Variants in FHIT observed in about 807,000 individuals in gnomAD.
FHIT encodes the protein bis(5'-adenosyl)-triphosphatase.
In FHIT, 19 loss-of-function variants were observed where a neutral mutation model predicts 17.9. The ratio of observed to expected loss-of-function variants is 1.06; its 90% CI spans 0.74 to 1.56. FHIT has a LOEUF of 1.56. Among genes scored for constraint, FHIT ranks in the 40% most tolerant of loss-of-function variants. The pLI is 0.00. For missense variants in FHIT, 248 were observed against 189.2 expected (o/e 1.31, Z -1.82); for synonymous variants, 81 against 69.7 (o/e 1.16, Z -0.81).
intron 8 of FHIT, among the ~76,000 whole-genome samples, chr3:59,844,399 TC>T (rs1701640914): frequency 6.6e-6 from 1 of 152,166 alleles, no homozygotes; most frequent in African/African-American, 2.4e-5. Context: ...TTTCAGTCTT[TC>T]GTCACTGAAC....
intron 4 of FHIT, among the ~76,000 whole-genome samples, chr3:60,644,508 C>T (rs1395355939): frequency 2.0e-5 from 3 of 152,174 alleles, no homozygotes; most frequent in African/African-American, 7.2e-5. Context: ...GAGAGCATGT[C>T]TGTTTAGAAA....
chr3:60,445,229 A>G (rs1231940218), intron 5 of FHIT, among the ~76,000 whole-genome samples: 1 of 152,116 alleles, frequency 6.6e-6, no homozygotes, highest in Non-Finnish European at 1.5e-5. Context: ...ATGAATTTGC[A>G]TTTCAAATAA....
At chr3:60,560,775 C>A (rs974960240) in intron 4 of FHIT, among the ~76,000 whole-genome samples, 1 of 149,684 alleles carries the variant, frequency 6.7e-6, no homozygotes, top group Non-Finnish European at 1.5e-5. Context: ...CCAGGCAAGG[C>A]AGTTGCCATT....
chr3:61,187,359 T>A (rs1436584691), intron 2 of FHIT, among the ~76,000 whole-genome samples: 1 of 152,136 alleles, frequency 6.6e-6, no homozygotes, highest in African/African-American at 2.4e-5. Context: ...GGTAAAGGGA[T>A]GAATTCAACA....
chr3:60,256,570 C>T (rs72890151), intron 5 of FHIT, among the ~76,000 whole-genome samples: 3,744 of 152,282 alleles, frequency 0.025, 150 homozygotes, highest in African/African-American at 0.081. Context: ...AGGTAACTTG[C>T]CTGAGGTTAC....
At chr3:60,347,682 G>GA (rs1710857019) in intron 5 of FHIT, among the ~76,000 whole-genome samples, 2 of 142,966 alleles carry the variant, frequency 1.4e-5, no homozygotes, top group Non-Finnish European at 3.1e-5. Context: ...GTTTGGGGGG[G>GA]GGGGGGGTTT....
intron 5 of FHIT, among the ~76,000 whole-genome samples, chr3:60,351,631 C>T (rs1296353962): frequency 6.6e-6 from 1 of 152,142 alleles, no homozygotes; most frequent in Admixed American, 6.5e-5. Flanking sequence ...CTGTAAAATG[C>T]TGCAAACACC....
intron 5 of FHIT, among the ~76,000 whole-genome samples, chr3:60,207,617 T>A (rs1397469978): frequency 6.6e-6 from 1 of 152,158 alleles, no homozygotes. Flanking sequence ...ATGGCGGTGA[T>A]GAGAACAACG....
chr3:60,028,600 G>C (rs528508933), intron 5 of FHIT, among the ~76,000 whole-genome samples: 17 of 152,252 alleles, frequency 1.1e-4, no homozygotes, highest in African/African-American at 3.9e-4. Flanking sequence ...AACTGGCCAA[G>C]AAATATGAAA....
chr3:60,848,897 G>C (rs184216936), intron 3 of FHIT, among the ~76,000 whole-genome samples: 1 of 152,142 alleles, frequency 6.6e-6, no homozygotes, highest in East Asian at 1.9e-4. Flanking sequence ...CTACATACTT[G>C]AGAAGTTACT....
intron 8 of FHIT, among the ~76,000 whole-genome samples, chr3:59,839,793 A>G (rs75981603): frequency 0.018 from 2,705 of 152,148 alleles, 84 homozygotes; most frequent in African/African-American, 0.061. Context: ...GATGAAGGAG[A>G]AAAAAAATAA....
At chr3:60,228,181 G>A (rs1007616102) in intron 5 of FHIT, among the ~76,000 whole-genome samples, 3 of 152,138 alleles carry the variant, frequency 2.0e-5, no homozygotes, top group Admixed American at 6.5e-5. Flanking sequence ...ATTGGAAGGA[G>A]TATAAAGTAA....
At chr3:59,777,773 G>T (rs947829080) in intron 8 of FHIT, among the ~76,000 whole-genome samples, 1 of 151,754 alleles carries the variant, frequency 6.6e-6, no homozygotes, top group African/African-American at 2.4e-5. Context: ...TCCTCTGCCT[G>T]CTCACCAATG....
chr3:59,933,651 C>A lies in FHIT; in HGVS notation c.280-11237G>T, dbSNP rs72875108. 3.3e-3 allele frequency among the ~76,000 whole-genome samples: 503 copies of A among 152,186 alleles called. 3 individuals are homozygous for A. Among genetic ancestry groups the A allele is most frequent in the African/African-American group, 0.011 (455 of 41,512 alleles). ...AACTAATGTCTGGGTGACCATATGC[C>A]CCAGTCTGTTTGGAACCATCCAGCT... On this transcript the variant is annotated intron_variant, in intron 7 of 9. Coordinates refer to ENST00000492590, the MANE Select transcript of FHIT (RefSeq NM_002012.4).
chr3:60,077,065 T>C (rs1448168033), intron 5 of FHIT, among the ~76,000 whole-genome samples: 1 of 83,672 alleles, frequency 1.2e-5, no homozygotes, highest in East Asian at 2.1e-4. Flanking sequence ...TAGACAGAAA[T>C]ATATTTTTTT....
In FHIT at chr3:60,303,885, G is replaced by A. The variant is rs181141502; in HGVS notation, c.103+232975C>T. Among the ~76,000 whole-genome samples the A allele has an allele frequency of 1.6e-4, 25 of 152,262 alleles. No individual in the cohort carries two copies. The South Asian group carries it at 4.8e-3, about 29-fold the overall frequency. On this transcript the variant is annotated intron_variant, in intron 5 of 9. Coordinates refer to ENST00000492590, the MANE Select transcript of FHIT (RefSeq NM_002012.4). ...GAGGGACTGGAGACAGGAGTGCCCA[G>A]CACTTAGAGGATTACAGATTAATAG...
At chr3:61,147,244 C>T (rs13323559) in intron 2 of FHIT, among the ~76,000 whole-genome samples, 37,297 of 151,768 alleles carry the variant, frequency 0.25, 5,082 homozygotes, top group East Asian at 0.45. Context: ...TCTGTTGAGG[C>T]GACAAAACAA....
intron 8 of FHIT, among the ~76,000 whole-genome samples, chr3:59,882,323 T>C (rs559481072): frequency 6.6e-6 from 1 of 152,264 alleles, no homozygotes; most frequent in South Asian, 2.1e-4. Context: ...ATCATACTAT[T>C]GAAACACCCT....
At chr3:60,683,416 G>A (rs2040795600) in intron 4 of FHIT, among the ~76,000 whole-genome samples, 1 of 151,940 alleles carries the variant, frequency 6.6e-6, no homozygotes, top group Non-Finnish European at 1.5e-5. Context: ...CTGATCAGTC[G>A]GCAGCCATAA....
Sources: gnomAD v4.1 joint callset for allele counts (sites outside exome capture counted in the v4.1 genomes callset) on GRCh38, gnomAD v4.1.1 for gene constraint, MANE v1.5 for transcripts, NCBI Gene and HGNC (gene_info 2026-07-23, HGNC 2026-07-21) for gene names.